ATE1: variants seen among roughly 807,000 people sequenced by gnomAD.
ATE1 encodes the protein arginyl-tRNA--protein transferase 1.
ATE1 carries 36 observed loss-of-function variants against 70.5 expected under a neutral mutation model. The ratio of observed to expected loss-of-function variants is 0.51; its 90% CI spans 0.39 to 0.67. The LOEUF (loss-of-function observed/expected upper bound fraction) is 0.67. Ranked by LOEUF, ATE1 falls within the 30% of genes least tolerant of loss-of-function variation. The pLI, the probability that ATE1 is intolerant of heterozygous loss-of-function variation, is 0.00. For missense variants in ATE1, 593 were observed against 629.5 expected (o/e 0.94, Z 0.62); for synonymous variants, 232 against 219.3 (o/e 1.06, Z -0.51).
chr10:121,766,622 A>G (rs373087243), intron 11 of ATE1, among the ~76,000 whole-genome samples: 42 of 152,202 alleles, frequency 2.8e-4, no homozygotes, highest in African/African-American at 9.9e-4. Context: ...AAATTTGGGG[A>G]TTTTTGGCTC....
In ATE1 at chr10:121,899,867, T is replaced by C. The variant is rs1429417144; in HGVS notation, c.941A>G (p.Gln314Arg). 6.2e-7 allele frequency: 1 copy of C among 1,612,152 alleles called. No individual in the cohort carries two copies. The highest frequency in any genetic ancestry group is 1.7e-5 in the Admixed American group (1 of 59,676). The change falls in exon 7 of 12, where the codon CAG (glutamine) becomes CGG (arginine). Residue 314 changes from glutamine to arginine, a missense_variant and splice_region_variant. Around this residue, in one of 3 missense-constraint regions of ATE1, gnomAD observed 467 missense variants for 469.6 expected, o/e 0.99. Transcript: ENST00000224652. ...GAAAATTACACTTGGCCTGCTGACC[T>C]GGCTTTCGGTTGGCGTATCAGGTGG... ...KNPPDTPTES[Q>R]FTRFLCSSPL...
chr10:121,883,757 T>A (rs1950294854), intron 7 of ATE1, among the ~76,000 whole-genome samples: 1 of 152,168 alleles, frequency 6.6e-6, no homozygotes, highest in South Asian at 2.1e-4. Flanking sequence ...TCACTCCATA[T>A]TTTACTGAGG....
intron 8 of ATE1, among the ~76,000 whole-genome samples, chr10:121,862,453 C>T (rs1290788550): frequency 6.6e-6 from 1 of 151,856 alleles, no homozygotes; most frequent in African/African-American, 2.4e-5. Flanking sequence ...AACTCCTGGG[C>T]TCAGGTGATC....
At chr10:121,911,457 A>AC (rs979777173) in intron 4 of ATE1, among the ~76,000 whole-genome samples, 3 of 151,580 alleles carry the variant, frequency 2.0e-5, no homozygotes, top group East Asian at 1.9e-4. Flanking sequence ...AAAAAAAAAA[A>AC]AAACAAAAAC....
intron 10 of ATE1, among the ~76,000 whole-genome samples, chr10:121,819,648 A>G (rs1947704164): frequency 8.4e-6 from 1 of 119,182 alleles, no homozygotes; most frequent in Non-Finnish European, 1.6e-5. Context: ...CAGAGCTTGC[A>G]GTGAGCCTGG....
intron 10 of ATE1, among the ~76,000 whole-genome samples, chr10:121,822,215 C>T (rs779320879): frequency 1.3e-4 from 20 of 152,158 alleles, no homozygotes; most frequent in Non-Finnish European, 2.4e-4. Context: ...CAATAATAAA[C>T]GATCTGTTGC....
chr10:121,822,904 T>TTTA (rs1221376525), intron 10 of ATE1, among the ~76,000 whole-genome samples: 2 of 152,164 alleles, frequency 1.3e-5, no homozygotes, highest in Non-Finnish European at 2.9e-5. Context: ...CTCACGATGT[T>TTTA]TTATAGGAGA....
intron 7 of ATE1, among the ~76,000 whole-genome samples, chr10:121,885,616 G>C (rs896402090): frequency 5.3e-5 from 8 of 151,302 alleles, no homozygotes; most frequent in Non-Finnish European, 1.2e-4. Flanking sequence ...AATGTGGCTG[G>C]GTGCAGGGGC....
chr10:121,863,855 C>T (rs1261385414), intron 8 of ATE1, among the ~76,000 whole-genome samples: 1 of 151,956 alleles, frequency 6.6e-6, no homozygotes, highest in East Asian at 2.0e-4. Flanking sequence ...TTCAACTGAT[C>T]CTCCTGCCTC....
chr10:121,857,533 G>A (rs1460136848), intron 8 of ATE1, among the ~76,000 whole-genome samples: 1 of 152,150 alleles, frequency 6.6e-6, no homozygotes, highest in Non-Finnish European at 1.5e-5. Context: ...CAGCCACTGT[G>A]GAAAGCAGTG....
chr10:121,922,484 CATTAA>C (rs1951921065), intron 2 of ATE1, 73 bp from the exon 3 acceptor site: 1 of 884,546 alleles, frequency 1.1e-6, no homozygotes, highest in East Asian at 2.6e-5. Flanking sequence ...AGCACAGGAG[CATTAA>C]ATTAAGGTTA....
chr10:121,914,676 C>A (rs1209463753), intron 3 of ATE1, among the ~76,000 whole-genome samples: 1 of 152,172 alleles, frequency 6.6e-6, no homozygotes, highest in Non-Finnish European at 1.5e-5. Context: ...CCTCTCCCAT[C>A]CGCAGATGAC....
chr10:121,832,198 A>G (rs1249881120), intron 10 of ATE1, among the ~76,000 whole-genome samples: 2 of 152,216 alleles, frequency 1.3e-5, no homozygotes, highest in Admixed American at 1.3e-4. Context: ...GCCATTAATT[A>G]TAACATACAG....
intron 10 of ATE1, among the ~76,000 whole-genome samples, chr10:121,824,315 C>T (rs1217822612): frequency 2.6e-5 from 4 of 152,168 alleles, no homozygotes; most frequent in Non-Finnish European, 5.9e-5. Context: ...TCACCTACCA[C>T]GTGTGTCCAC....
rs142144905 is a variant in ATE1 at position 121,874,449 on chromosome 10, C to T, written c.943-4411G>A. Among the ~76,000 whole-genome samples the T allele has an allele frequency of 1.6e-3, 244 of 152,266 alleles. 1 individual carries two copies. Among genetic ancestry groups the T allele is most frequent in the African/African-American group, 5.6e-3 (231 of 41,558 alleles). On this transcript the variant is annotated intron_variant, in intron 7 of 11. Coordinates refer to ENST00000224652, the MANE Select transcript of ATE1 (RefSeq NM_001001976.3). ...TAAAACCTTCAAAGCAGCCAAAAGA[C>T]ACAGCTAGCGCCCATTTAAAAAGTC...
At chr10:121,927,229 G>A (rs1435903134) in intron 1 of ATE1, 6 of 985,238 alleles carry the variant, frequency 6.1e-6, no homozygotes, top group Non-Finnish European at 7.2e-6. Context: ...GGTGGGTGGA[G>A]GAAAGACACG....
At chr10:121,891,007 G>A (rs1193253951) in intron 7 of ATE1, among the ~76,000 whole-genome samples, 1 of 152,174 alleles carries the variant, frequency 6.6e-6, no homozygotes, top group African/African-American at 2.4e-5. Context: ...TCCACTGTCT[G>A]AGGTATATAC....
chr10:121,835,982 A>T (rs1478562309), intron 10 of ATE1, among the ~76,000 whole-genome samples: 1 of 151,946 alleles, frequency 6.6e-6, no homozygotes, highest in African/African-American at 2.4e-5. Context: ...ACTGTTGATG[A>T]CTCCCAGGTG....
intron 5 of ATE1, among the ~76,000 whole-genome samples, chr10:121,906,260 G>A (rs1951185348): frequency 6.6e-6 from 1 of 152,040 alleles, no homozygotes; most frequent in African/African-American, 2.4e-5. Context: ...AGGTGTGGTG[G>A]CTCACGCCCG....
Sources: allele counts gnomAD v4.1 joint callset (sites outside exome capture counted in the v4.1 genomes callset), GRCh38; gene constraint gnomAD v4.1.1; regional missense constraint gnomAD v4.1.1; transcripts MANE v1.5; gene names NCBI Gene and HGNC (gene_info 2026-07-23, HGNC 2026-07-21).